The following PPP2R5C variants were observed in gnomAD, a reference collection of about 807,000 sequenced individuals.
The protein encoded by PPP2R5C is protein phosphatase 2 regulatory subunit B'gamma.
PPP2R5C carries 7 observed loss-of-function variants against 68.9 expected under a neutral mutation model. That is an observed-to-expected ratio of 0.10 (90% CI 0.06 to 0.19). The LOEUF is 0.19. Ranked by LOEUF, PPP2R5C falls within the 10% of genes least tolerant of loss-of-function variation. The pLI, the probability that PPP2R5C is intolerant of heterozygous loss-of-function variation, is 1.00. For synonymous variants in PPP2R5C, 210 were observed against 222.2 expected, an observed-to-expected ratio of 0.95 and a Z score of 0.49; for missense variants, 348 against 641.3, an observed-to-expected ratio of 0.54 and a Z score of 4.94.
chr14:101,775,509 G>A (rs1290839063), intron 2 of PPP2R5C, among the ~76,000 whole-genome samples: 1 of 152,162 alleles, frequency 6.6e-6, no homozygotes, highest in Admixed American at 6.5e-5. Context: ...TTGGACATTC[G>A]GGCTTGCTGT....
At chr14:101,806,300 C>T (rs1242793416), upstream of PPP2R5C, among the ~76,000 whole-genome samples, 1 of 151,966 alleles carries the variant, frequency 6.6e-6, no homozygotes, top group Admixed American at 6.6e-5. Context: ...TGATGTTCCC[C>T]TCCCTGTGTC....
chr14:101,779,795 T>C (rs999244663), intron 2 of PPP2R5C, among the ~76,000 whole-genome samples: 3 of 152,104 alleles, frequency 2.0e-5, no homozygotes, highest in African/African-American at 7.2e-5. Context: ...GAAAATATGA[T>C]TGGAGGCAGC....
chr14:101,821,220 A>G (rs2040033157), intron 1 of PPP2R5C: 1 of 152,140 alleles, frequency 6.6e-6, no homozygotes. Context: ...TGCCTTGGTC[A>G]GTTTCCTTCT....
chr14:101,861,980 A>G (rs2042768229), intron 2 of PPP2R5C, among the ~76,000 whole-genome samples: 2 of 152,306 alleles, frequency 1.3e-5, no homozygotes, highest in African/African-American at 4.8e-5. Flanking sequence ...TGGCACAGTC[A>G]TAGCCCACTG....
At chr14:101,883,183 C>G in intron 3 of PPP2R5C, 74 bp from the exon 6 acceptor site, 1 of 1,056,354 alleles carries the variant, frequency 9.5e-7, no homozygotes, top group South Asian at 1.6e-5. Flanking sequence ...AATAAAGATT[C>G]AATTTCTGGT....
chr14:101,764,879 A>T (rs2036771528), intron 2 of PPP2R5C, among the ~76,000 whole-genome samples: 1 of 149,586 alleles, frequency 6.7e-6, no homozygotes, highest in African/African-American at 2.5e-5. Flanking sequence ...TTTCTTGCTA[A>T]TGTGCCTATA....
chr14:101,785,410 G>A (rs1016429587), intron 2 of PPP2R5C, among the ~76,000 whole-genome samples: 6 of 152,170 alleles, frequency 3.9e-5, no homozygotes, highest in African/African-American at 1.4e-4. Context: ...GGTTCTAGAG[G>A]AGAATCTATT....
At chr14:101,875,578 A>G (rs912669467) in intron 2 of PPP2R5C, among the ~76,000 whole-genome samples, 11 of 152,188 alleles carry the variant, frequency 7.2e-5, no homozygotes, top group Admixed American at 1.3e-4. Flanking sequence ...GGTGCCAGGC[A>G]CAGTGGTAGG....
intron 13 of PPP2R5C, among the ~76,000 whole-genome samples, chr14:101,919,749 C>G (rs2046903487): frequency 6.6e-6 from 1 of 152,124 alleles, no homozygotes; most frequent in Non-Finnish European, 1.5e-5. Context: ...AGGCAGATCA[C>G]CTGTGCTCAG....
At chr14:101,863,682 A>G (rs1178588979) in intron 2 of PPP2R5C, among the ~76,000 whole-genome samples, 15 of 152,104 alleles carry the variant, frequency 9.9e-5, no homozygotes, top group Non-Finnish European at 2.9e-5. Flanking sequence ...GGATCATGTG[A>G]GGTTGGGAGT....
upstream of PPP2R5C, among the ~76,000 whole-genome samples, chr14:101,761,461 C>T (rs759808182): frequency 6.8e-6 from 1 of 147,448 alleles, no homozygotes; most frequent in Non-Finnish European, 1.5e-5. Context: ...CGACTCGGGA[C>T]GGAGGGCGGG....
exon 14 of PPP2R5C, chr14:101,926,010 C>G (rs1443454551): frequency 6.6e-6 from 1 of 152,474 alleles, no homozygotes. Context: ...AGAGCTTGCT[C>G]TGTCTACCTT....
chr14:101,885,708 C>T (rs80131451), intron 5 of PPP2R5C, among the ~76,000 whole-genome samples: 2,713 of 152,328 alleles, frequency 0.018, 52 homozygotes, highest in African/African-American at 0.04. Context: ...AGACCTGACA[C>T]ATTAACTATA....
chr14:101,768,631 G>T (rs926151079), intron 2 of PPP2R5C, among the ~76,000 whole-genome samples: 2 of 151,908 alleles, frequency 1.3e-5, no homozygotes, highest in African/African-American at 2.4e-5. Flanking sequence ...TTCTGATTTC[G>T]TATGTGTAGC....
At chr14:101,792,430 G>T (rs1304561191) in intron 3 of PPP2R5C, among the ~76,000 whole-genome samples, 1 of 152,186 alleles carries the variant, frequency 6.6e-6, no homozygotes. Context: ...AGTAGTTTCA[G>T]TTTCACTAGC....
intron 13 of PPP2R5C, among the ~76,000 whole-genome samples, chr14:101,923,278 G>A (rs2047112432): frequency 6.6e-6 from 1 of 152,196 alleles, no homozygotes; most frequent in South Asian, 2.1e-4. Flanking sequence ...AAGCTCTGGG[G>A]TCATGTTTGT....
chr14:101,872,670 T>C (rs2043503900), intron 2 of PPP2R5C, among the ~76,000 whole-genome samples: 1 of 152,236 alleles, frequency 6.6e-6, no homozygotes, highest in African/African-American at 2.4e-5. Context: ...TCTTTGTTCC[T>C]TTGGACATAA....
At chr14:101,852,516 G>A (rs953405502) in intron 1 of PPP2R5C, among the ~76,000 whole-genome samples, 1 of 137,784 alleles carries the variant, frequency 7.3e-6, no homozygotes, top group Admixed American at 8.0e-5. Context: ...TCACCCAGGT[G>A]GGAATACAGT....
intron 1 of PPP2R5C, among the ~76,000 whole-genome samples, chr14:101,833,084 G>T (rs1227698125): frequency 6.6e-6 from 1 of 152,240 alleles, no homozygotes; most frequent in East Asian, 1.9e-4. Context: ...TTCTTCCCAT[G>T]TTCCGTCTAG....
Sources: allele counts gnomAD v4.1 joint callset (sites outside exome capture counted in the v4.1 genomes callset), GRCh38; gene constraint gnomAD v4.1.1; transcripts MANE v1.5; gene names NCBI Gene and HGNC (gene_info 2026-07-23, HGNC 2026-07-21).